The following HRH2 variants were observed in gnomAD, a reference collection of about 807,000 sequenced individuals.
The protein encoded by HRH2 is histamine receptor H2.
A neutral mutation model predicts 20.1 loss-of-function variants in HRH2; 4 were observed. The ratio of observed to expected loss-of-function variants is 0.20; its 90% CI spans 0.10 to 0.45. The LOEUF is 0.45. Ranked by LOEUF, HRH2 falls within the 20% of genes least tolerant of loss-of-function variation. The probability of loss-of-function intolerance (pLI) is 0.99; values close to 1 mark genes in which losing one functional copy is unlikely to be tolerated. For synonymous variants in HRH2, 197 were observed against 200.7 expected (o/e 0.98, Z 0.16); for missense variants, 250 against 461.6 (o/e 0.54, Z 4.20).
rs145934779 is a variant in HRH2, at chr5:175,684,193, C to T, written c.960C>T (p.Asn320=). The part of the protein sequence containing the change: ...RNSHKTSLRS[N]ASQLSRTQSR... ...CCCACAAAACTTCTCTGAGGTCCAA[C>T]GCCTCTCAGCTGTCCAGGACCCAAA... The change falls in exon 2 of 3, where the codon AAC becomes AAT. Residue 320 remains asparagine (N), a synonymous_variant. Transcript: ENST00000636584. 38 of 1,614,078 alleles carry T rather than the reference C, an allele frequency of 2.4e-5. No individual in the cohort carries two copies. The highest frequency in any genetic ancestry group is 2.7e-5 in the Non-Finnish European group (32 of 1,180,042).
At position 175,688,658 on chromosome 5, in the gene HRH2, C is replaced by T. The variant is rs116310802; in HGVS notation, c.1076+4349C>T. Among the ~76,000 whole-genome samples the T allele has an allele frequency of 6.3e-3, 955 of 152,322 alleles. 5 individuals are homozygous for T. Among genetic ancestry groups the T allele is most frequent in the Non-Finnish European group, 7.5e-3 (510 of 68,032 alleles). ...GGATTTGAGCCCGAGTCTCTCTGAT[C>T]CCAAAGCCTAGACTCTAGGACGAAA... On this transcript the variant is annotated intron_variant, in intron 2 of 2. Transcript: ENST00000636584.
chr5:175,662,367 C>T lies in HRH2; in HGVS notation c.-526+4212C>T, dbSNP rs574823020. On this transcript the variant is annotated intron_variant, in intron 1 of 2. Transcript: ENST00000636584. ...GGAGTGCTGGCGTCTAGTGGGTAGA[C>T]GTCAGAGATGCTACTAAACTTCCCA... 4.5e-4 allele frequency among the ~76,000 whole-genome samples: 69 copies of T among 152,240 alleles called. 1 individual carries two copies. The highest frequency in any genetic ancestry group is 8.4e-4 in the Non-Finnish European group (57 of 68,018).
intron 1 of HRH2, among the ~76,000 whole-genome samples, chr5:175,672,022 C>T (rs1755563388): frequency 6.6e-6 from 1 of 152,122 alleles, no homozygotes; most frequent in Non-Finnish European, 1.5e-5. Context: ...CAGAGCTCTC[C>T]TATTTTACTA....
intron 2 of HRH2, among the ~76,000 whole-genome samples, chr5:175,695,769 A>C (rs1756555102): frequency 6.6e-6 from 1 of 152,030 alleles, no homozygotes; most frequent in South Asian, 2.1e-4. Flanking sequence ...CTCAAGGAGA[A>C]GGGGCCACCA....
chr5:175,685,695 C>T, intron 2 of HRH2: 1 of 598,736 alleles, frequency 1.7e-6, no homozygotes, highest in South Asian at 2.1e-5. Context: ...AGTTGGTCTT[C>T]CCTCACCGGG....
chr5:175,662,648 C>T (rs1341747911), intron 1 of HRH2, among the ~76,000 whole-genome samples: 1 of 152,108 alleles, frequency 6.6e-6, no homozygotes, highest in Non-Finnish European at 1.5e-5. Context: ...TCTTTTTTAA[C>T]GTAAGAGCAG....
At chr5:175,701,743 G>A (rs879470739) in intron 2 of HRH2, among the ~76,000 whole-genome samples, 2 of 152,326 alleles carry the variant, frequency 1.3e-5, no homozygotes, top group Admixed American at 6.5e-5. Flanking sequence ...GGGGAAGGTC[G>A]AATTCTGAAG....
At chr5:175,670,136 G>A (rs1755473582) in intron 1 of HRH2, among the ~76,000 whole-genome samples, 2 of 152,142 alleles carry the variant, frequency 1.3e-5, no homozygotes, top group African/African-American at 4.8e-5. Flanking sequence ...TGGGAACGAG[G>A]GCCAGGGCTG....
At chr5:175,666,305 T>C (rs1003964850) in intron 1 of HRH2, among the ~76,000 whole-genome samples, 5 of 152,184 alleles carry the variant, frequency 3.3e-5, no homozygotes, top group East Asian at 1.9e-4. Flanking sequence ...TGGGGCGTCA[T>C]TGGGCTCTCT....
At chr5:175,659,919 G>A (rs549378048) in intron 1 of HRH2, among the ~76,000 whole-genome samples, 37 of 152,276 alleles carry the variant, frequency 2.4e-4, no homozygotes, top group African/African-American at 7.7e-4. Flanking sequence ...ATAGGAAGCC[G>A]ATATCAGACT....
At chr5:175,673,786 C>T (rs1414958088) in intron 1 of HRH2, among the ~76,000 whole-genome samples, 1 of 151,682 alleles carries the variant, frequency 6.6e-6, no homozygotes, top group Non-Finnish European at 1.5e-5. Context: ...TCAATGCAAC[C>T]TCCGCCCCCC....
At chr5:175,707,328 G>T in intron 2 of HRH2, among the ~76,000 whole-genome samples, 1 of 152,210 alleles carries the variant, frequency 6.6e-6, no homozygotes, top group African/African-American at 2.4e-5. Context: ...TACTCGGGAG[G>T]CTGAGGTGGG....
intron 2 of HRH2, among the ~76,000 whole-genome samples, chr5:175,697,428 A>G (rs1756635097): frequency 6.7e-6 from 1 of 148,528 alleles, no homozygotes; most frequent in Non-Finnish European, 1.5e-5. Context: ...GCGCCACTGC[A>G]GTCCAGCTTG....
chr5:175,694,435 G>A (rs988671965), intron 2 of HRH2, among the ~76,000 whole-genome samples: 4 of 152,074 alleles, frequency 2.6e-5, no homozygotes, highest in Non-Finnish European at 5.9e-5. Flanking sequence ...TGGCACCTGC[G>A]TGGACATAGT....
rs1372618031 is a variant in HRH2 at position 175,710,019 on chromosome 5, TC to T, written c.*2050del. On this transcript the variant is annotated 3_prime_UTR_variant, in exon 3 of 3. Coordinates refer to ENST00000636584, the MANE Select transcript of HRH2 (RefSeq NM_001367711.1). ...AGCTGTTTCCGTGAGGAAAGGCTCC[TC>T]CTGCTCATTTTAGTGCCCTGAAATG... The T allele has an allele frequency of 6.6e-6, 1 of 152,418 alleles. No individual in the cohort carries two copies. Among genetic ancestry groups the T allele is most frequent in the East Asian group, 1.9e-4 (1 of 5,196 alleles). The allele number at this position is 152,418 out of a possible 1,614,324, so 9.4% of individuals were successfully genotyped here.
intron 2 of HRH2, among the ~76,000 whole-genome samples, 184 bp from the exon 3 acceptor site, chr5:175,707,595 G>A (rs573420278): frequency 3.8e-4 from 58 of 152,334 alleles, no homozygotes; most frequent in Non-Finnish European, 6.8e-4. Flanking sequence ...GTGGGTTGAG[G>A]GAAGAAGTCT....
intron 2 of HRH2, among the ~76,000 whole-genome samples, chr5:175,701,159 G>C (rs1756777449): frequency 6.6e-6 from 1 of 152,170 alleles, no homozygotes. Context: ...AGGAAACCGA[G>C]GCTCAGAGCG....
At position 175,683,375 on chromosome 5, in the gene HRH2, C is replaced by T. The variant is rs1756059214; in HGVS notation, c.142C>T (p.Arg48Trp). 1 of 1,614,222 alleles carries T rather than the reference C, an allele frequency of 6.2e-7. No individual in the cohort carries two copies. Among genetic ancestry groups the T allele is most frequent in the Non-Finnish European group, 8.5e-7 (1 of 1,180,050 alleles). Residue 48 changes from arginine to tryptophan, a missense_variant, in exon 2 of 3, where the codon CGG (arginine) becomes TGG (tryptophan). Coordinates refer to ENST00000636584, the MANE Select transcript of HRH2 (RefSeq NM_001367711.1). ...VVCLAVGLNRRLRNLTNCFIV... is the reference protein window; with the variant it reads ...VVCLAVGLNRWLRNLTNCFIV... The stretch of plus-strand genomic sequence containing the variant: ...CTGTCTGGCCGTGGGCTTGAACCGC[C>T]GGCTCCGCAACCTGACCAATTGTTT...
intron 2 of HRH2, among the ~76,000 whole-genome samples, chr5:175,702,891 T>A (rs2113562027): frequency 6.6e-6 from 1 of 152,178 alleles, no homozygotes; most frequent in South Asian, 2.1e-4. Flanking sequence ...TAAAGATAAA[T>A]ATGATCACCA....
Sources: allele counts gnomAD v4.1 joint callset (sites outside exome capture counted in the v4.1 genomes callset), GRCh38; gene constraint gnomAD v4.1.1; transcripts MANE v1.5; gene names NCBI Gene and HGNC (gene_info 2026-07-23, HGNC 2026-07-21).